SNTG1: variants seen among roughly 807,000 people sequenced by gnomAD.
The protein encoded by SNTG1 is syntrophin gamma 1.
SNTG1 carries 39 observed loss-of-function variants against 74.7 expected under a neutral mutation model. The ratio of observed to expected loss-of-function variants is 0.52; its 90% CI spans 0.40 to 0.68. The LOEUF (loss-of-function observed/expected upper bound fraction) is 0.68, where lower values mean the gene tolerates loss of function less well. Among genes scored for constraint, SNTG1 ranks in the 30% least tolerant of loss-of-function variants. The probability of loss-of-function intolerance (pLI) is 0.00; values close to 1 mark genes in which losing one functional copy is unlikely to be tolerated. For synonymous variants in SNTG1, 254 were observed against 217.1 expected, an observed-to-expected ratio of 1.17 and a Z score of -1.49; for missense variants, 685 against 609.5, an observed-to-expected ratio of 1.12 and a Z score of -1.30.
chr8:50,431,413 A>T (rs1208866742), intron 4 of SNTG1, among the ~76,000 whole-genome samples: 1 of 152,158 alleles, frequency 6.6e-6, no homozygotes, highest in Non-Finnish European at 1.5e-5. Flanking sequence ...CACTGTATAG[A>T]TGTACCACAG....
rs139479730 is a variant in SNTG1 at position 50,742,349 on chromosome 8, C to T, written c.1285-9652C>T. On this transcript the variant is annotated intron_variant, in intron 17 of 18. Coordinates refer to ENST00000642720, the MANE Select transcript of SNTG1 (RefSeq NM_018967.5). ...CTTTTCTGCTCACAATGGAATGAAA[C>T]TAAAAATCAATAACAGAAGAAACAC... 2.3e-3 allele frequency among the ~76,000 whole-genome samples: 350 copies of T among 151,822 alleles called. 1 individual carries two copies. The Middle Eastern group carries it at 0.024, about 10-fold the overall frequency.
intron 2 of SNTG1, among the ~76,000 whole-genome samples, chr8:50,261,497 T>A (rs1033198459): frequency 1.3e-5 from 2 of 151,986 alleles, no homozygotes; most frequent in Non-Finnish European, 2.9e-5. Context: ...AAGGTAAAAA[T>A]TTTTTTTATT....
chr8:50,428,034 G>A (rs1042121553), intron 4 of SNTG1, among the ~76,000 whole-genome samples: 2 of 152,168 alleles, frequency 1.3e-5, no homozygotes, highest in African/African-American at 4.8e-5. Flanking sequence ...ATAGGAGACA[G>A]GAAGAGGTGC....
intron 1 of SNTG1, among the ~76,000 whole-genome samples, chr8:49,983,895 T>TG (rs1295627968): frequency 2.0e-5 from 3 of 152,214 alleles, no homozygotes; most frequent in African/African-American, 7.2e-5. Context: ...GTGAGATGAA[T>TG]GGGGGGTACT....
intron 2 of SNTG1, among the ~76,000 whole-genome samples, chr8:50,327,975 T>C (rs2090818990): frequency 6.6e-6 from 1 of 152,192 alleles, no homozygotes; most frequent in Admixed American, 6.5e-5. Flanking sequence ...CTCATTTCTT[T>C]TATCTTTGTT....
At chr8:50,397,776 C>A (rs992043487) in intron 3 of SNTG1, among the ~76,000 whole-genome samples, 4 of 152,050 alleles carry the variant, frequency 2.6e-5, no homozygotes, top group Admixed American at 2.6e-4. Context: ...TCTGTGTATG[C>A]GGGATAGCAG....
chr8:50,122,223 A>C (rs2081019996), intron 1 of SNTG1, among the ~76,000 whole-genome samples: 1 of 142,296 alleles, frequency 7.0e-6, no homozygotes, highest in Admixed American at 7.2e-5. Flanking sequence ...AAAATATTCA[A>C]GGCATCCTTG....
chr8:50,038,873 T>C (rs1352243396), intron 1 of SNTG1, among the ~76,000 whole-genome samples: 1 of 152,142 alleles, frequency 6.6e-6, no homozygotes, highest in Non-Finnish European at 1.5e-5. Context: ...GTGTCTTCCG[T>C]ACATTTCACT....
At chr8:49,934,021 C>A (rs1301494688) in intron 1 of SNTG1, among the ~76,000 whole-genome samples, 1 of 152,198 alleles carries the variant, frequency 6.6e-6, no homozygotes, top group Non-Finnish European at 1.5e-5. Context: ...AAATTCATAA[C>A]AGAAATTAAA....
At chr8:50,359,509 G>C (rs943680123) in intron 2 of SNTG1, among the ~76,000 whole-genome samples, 6 of 152,100 alleles carry the variant, frequency 3.9e-5, no homozygotes, top group African/African-American at 1.4e-4. Flanking sequence ...TGTTTTCCTT[G>C]TTGTTCCCAA....
intron 1 of SNTG1, among the ~76,000 whole-genome samples, chr8:49,999,673 T>C (rs1453231026): frequency 2.6e-5 from 4 of 152,164 alleles, no homozygotes; most frequent in Non-Finnish European, 5.9e-5. Flanking sequence ...TCCCCATTTC[T>C]TCCTGGGGCT....
chr8:50,034,363 TG>T (rs1441737694), intron 1 of SNTG1, among the ~76,000 whole-genome samples: 1 of 152,234 alleles, frequency 6.6e-6, no homozygotes, highest in East Asian at 1.9e-4. Flanking sequence ...ACTTGTTAAC[TG>T]GTGTAGTTAG....
intron 15 of SNTG1, among the ~76,000 whole-genome samples, chr8:50,674,792 G>A (rs1299445439): frequency 1.3e-5 from 2 of 151,556 alleles, no homozygotes; most frequent in Admixed American, 6.6e-5. Context: ...GCTTTCTGAT[G>A]TGGGCATTTA....
intron 2 of SNTG1, among the ~76,000 whole-genome samples, chr8:50,234,308 A>G (rs2085782821): frequency 6.6e-6 from 1 of 151,996 alleles, no homozygotes; most frequent in African/African-American, 2.4e-5. Context: ...CAAAAATTGC[A>G]TACTGAGTGA....
intron 9 of SNTG1, among the ~76,000 whole-genome samples, chr8:50,528,099 T>C (rs1245462520): frequency 1.3e-5 from 2 of 152,020 alleles, no homozygotes; most frequent in East Asian, 3.8e-4. Flanking sequence ...AAGGTTTTGC[T>C]TCTTCCTTTC....
chr8:50,357,844 A>C (rs1008529137), intron 2 of SNTG1, among the ~76,000 whole-genome samples: 12 of 152,216 alleles, frequency 7.9e-5, no homozygotes, highest in African/African-American at 2.9e-4. Flanking sequence ...GAGGAAATCT[A>C]ATGTCACCTG....
intron 2 of SNTG1, among the ~76,000 whole-genome samples, chr8:50,325,964 T>G (rs2090729642): frequency 1.3e-5 from 2 of 152,090 alleles, no homozygotes; most frequent in Non-Finnish European, 2.9e-5. Flanking sequence ...TATCATACTT[T>G]TTTTTGTGTA....
intron 1 of SNTG1, among the ~76,000 whole-genome samples, chr8:50,139,710 T>C (rs1297386778): frequency 6.6e-6 from 1 of 152,236 alleles, no homozygotes; most frequent in African/African-American, 2.4e-5. Context: ...TCTAGAATTA[T>C]CTTAATGCAC....
chr8:50,639,327 A>G (rs765573531), intron 13 of SNTG1, among the ~76,000 whole-genome samples: 3 of 151,726 alleles, frequency 2.0e-5, no homozygotes, highest in East Asian at 3.9e-4. Context: ...ATGCCTCACT[A>G]TGTTTTTAAT....
Sources: gnomAD v4.1 joint callset for allele counts (sites outside exome capture counted in the v4.1 genomes callset) on GRCh38, gnomAD v4.1.1 for gene constraint, MANE v1.5 for transcripts, NCBI Gene and HGNC (gene_info 2026-07-23, HGNC 2026-07-21) for gene names.